The following ROBO1 variants were observed in gnomAD, a reference collection of about 807,000 sequenced individuals.
ROBO1 encodes the protein roundabout homolog 1.
Under a neutral mutation model 195.9 loss-of-function variants are expected in ROBO1, and 149 were observed. The ratio of observed to expected loss-of-function variants is 0.76; its 90% confidence interval spans 0.67 to 0.87. The LOEUF (loss-of-function observed/expected upper bound fraction) is 0.87, where lower values mean the gene tolerates loss of function less well. ROBO1 is among the 40% of genes least tolerant of loss of function. The pLI, the probability that ROBO1 is intolerant of heterozygous loss-of-function variation, is 0.00. For synonymous variants in ROBO1, 816 were observed against 733.2 expected, an observed-to-expected ratio of 1.11 and a Z score of -1.82; for missense variants, 1,933 against 2,068.3, an observed-to-expected ratio of 0.93 and a Z score of 1.27.
intron 3 of ROBO1, among the ~76,000 whole-genome samples, chr3:78,987,748 A>G (rs2077143428): frequency 6.6e-6 from 1 of 152,076 alleles, no homozygotes; most frequent in Non-Finnish European, 1.5e-5. Flanking sequence ...TTTTAAAATA[A>G]CTAAAAGAGT....
chr3:78,863,867 T>C lies in ROBO1; in HGVS notation c.499+74734A>G, dbSNP rs140252044. Among the ~76,000 whole-genome samples the C allele has an allele frequency of 6.8e-3, 1,043 of 152,278 alleles. 14 individuals carry two copies. The highest frequency in any genetic ancestry group is 0.024 in the African/African-American group (980 of 41,546). On this transcript the variant is annotated intron_variant, in intron 4 of 30. Coordinates refer to ENST00000464233, the MANE Select transcript of ROBO1 (RefSeq NM_002941.4). ...TTTTGGTGAGTGCTAGATTGACATA[T>C]GTCTCATCTGGGATAGTATGGAAGA...
At chr3:79,166,706 T>C (rs932665870) in intron 2 of ROBO1, among the ~76,000 whole-genome samples, 8 of 151,812 alleles carry the variant, frequency 5.3e-5, no homozygotes, top group South Asian at 2.1e-4. Flanking sequence ...GCTGGGTCTA[T>C]AGGCGCCCGC....
At chr3:79,533,705 A>C (rs1487833836) in intron 2 of ROBO1, among the ~76,000 whole-genome samples, 1 of 152,176 alleles carries the variant, frequency 6.6e-6, no homozygotes, top group African/African-American at 2.4e-5. Context: ...CTAATCATTA[A>C]TATATTTTAA....
chr3:78,932,646 GTAAA>G (rs2039593655), intron 4 of ROBO1, among the ~76,000 whole-genome samples: 2 of 152,042 alleles, frequency 1.3e-5, no homozygotes, highest in African/African-American at 4.8e-5. Context: ...TAAGAAAAGA[GTAAA>G]TATTATTGAA....
At chr3:78,971,747 TTTG>T (rs201474495) in intron 3 of ROBO1, among the ~76,000 whole-genome samples, 3,839 of 151,582 alleles carry the variant, frequency 0.025, 144 homozygotes, top group East Asian at 0.079. Flanking sequence ...AAATATTTTT[TTTG>T]TTGTTGTTGT....
At chr3:79,376,778 G>C (rs1274972324) in intron 2 of ROBO1, among the ~76,000 whole-genome samples, 2 of 152,016 alleles carry the variant, frequency 1.3e-5, no homozygotes, top group Non-Finnish European at 2.9e-5. Context: ...GACTAATACA[G>C]GTAGTATTTT....
chr3:79,690,707 T>A (rs1947273778), intron 1 of ROBO1, among the ~76,000 whole-genome samples: 1 of 152,004 alleles, frequency 6.6e-6, no homozygotes, highest in African/African-American at 2.4e-5. Context: ...AGAACCATTA[T>A]ACTGACTGCC....
intron 1 of ROBO1, among the ~76,000 whole-genome samples, chr3:79,727,467 C>A (rs571406263): frequency 1.3e-5 from 2 of 152,032 alleles, no homozygotes; most frequent in South Asian, 4.2e-4. Flanking sequence ...CAAATTTAGT[C>A]TGGAATCATT....
intron 2 of ROBO1, among the ~76,000 whole-genome samples, chr3:79,387,304 T>C (rs1251116301): frequency 6.6e-6 from 1 of 152,062 alleles, no homozygotes; most frequent in East Asian, 1.9e-4. Flanking sequence ...TTATTAGTAT[T>C]AGACTGAGCC....
At chr3:79,192,229 A>G (rs910781721) in intron 2 of ROBO1, among the ~76,000 whole-genome samples, 3 of 151,574 alleles carry the variant, frequency 2.0e-5, no homozygotes, top group Non-Finnish European at 4.4e-5. Flanking sequence ...TGGTCAACCA[A>G]TTTAAAAATG....
chr3:78,629,389 C>T (rs1027041002), intron 25 of ROBO1, among the ~76,000 whole-genome samples: 1 of 152,044 alleles, frequency 6.6e-6, no homozygotes, highest in African/African-American at 2.4e-5. Context: ...GTTAAAATAG[C>T]TTGGGAAATG....
At position 79,166,569 on chromosome 3, in the gene ROBO1, T is replaced by TTAA. The variant is rs1553693461; in HGVS notation, c.89-41031_89-41030insTTA. ...CAAGTTTTCTATTTTTCTTTTTTTT[T>TTAA]TTTTTTTTATTTTTGAGATGGAGTC... On this transcript the variant is annotated intron_variant, in intron 2 of 30. Transcript: ENST00000464233. Among the ~76,000 whole-genome samples the TTAA allele has an allele frequency of 2.9e-3, 434 of 149,960 alleles. 2 individuals are homozygous for TTAA. Among genetic ancestry groups the TTAA allele is most frequent in the African/African-American group, 1.0e-2 (407 of 40,774 alleles).
intron 4 of ROBO1, among the ~76,000 whole-genome samples, chr3:78,828,698 T>C (rs1181300016): frequency 2.6e-5 from 4 of 152,178 alleles, no homozygotes; most frequent in African/African-American, 9.7e-5. Flanking sequence ...TCTGATCTCT[T>C]CTCCTCATTT....
intron 2 of ROBO1, among the ~76,000 whole-genome samples, chr3:79,196,612 G>A (rs2081642779): frequency 6.6e-6 from 1 of 151,604 alleles, no homozygotes; most frequent in Non-Finnish European, 1.5e-5. Flanking sequence ...CAAATGGAAT[G>A]AAATTTTTAA....
At chr3:78,752,001 CTT>C (rs1015365525) in intron 4 of ROBO1, among the ~76,000 whole-genome samples, 10 of 151,796 alleles carry the variant, frequency 6.6e-5, no homozygotes, top group African/African-American at 2.4e-4. Context: ...ATAGTAACCT[CTT>C]GTCAACTAGG....
chr3:79,712,644 T>C (rs1006067015), intron 1 of ROBO1, among the ~76,000 whole-genome samples: 37 of 152,090 alleles, frequency 2.4e-4, no homozygotes, highest in Admixed American at 1.3e-4. Flanking sequence ...GGTGCTACAC[T>C]CAACCACAGA....
chr3:78,771,304 T>C (rs141748712), intron 4 of ROBO1, among the ~76,000 whole-genome samples: 30 of 152,274 alleles, frequency 2.0e-4, no homozygotes, highest in East Asian at 1.9e-3. Flanking sequence ...CACAGCCTTA[T>C]TGTATAGTTT....
chr3:79,553,941 C>T (rs1942611118), intron 2 of ROBO1, among the ~76,000 whole-genome samples: 1 of 151,984 alleles, frequency 6.6e-6, no homozygotes, highest in Non-Finnish European at 1.5e-5. Flanking sequence ...GACTTTCTCT[C>T]TCATTATAAA....
At chr3:79,232,820 C>G (rs1356255762) in intron 2 of ROBO1, among the ~76,000 whole-genome samples, 1 of 152,092 alleles carries the variant, frequency 6.6e-6, no homozygotes, top group East Asian at 1.9e-4. Flanking sequence ...CTCATTCATT[C>G]TTTTGTAAAA....
Sources: allele counts gnomAD v4.1 joint callset (sites outside exome capture counted in the v4.1 genomes callset), GRCh38; gene constraint gnomAD v4.1.1; transcripts MANE v1.5; gene names NCBI Gene and HGNC (gene_info 2026-07-23, HGNC 2026-07-21).